Variants in TBC1D14 observed in about 807,000 individuals in gnomAD.
The protein encoded by TBC1D14 is TBC1 domain family member 14, also known as TBC1 domain family, member 14.
In TBC1D14, 26 loss-of-function variants were observed where a neutral mutation model predicts 79.0. The observed-to-expected ratio is 0.33, with a 90% CI of 0.24 to 0.46. The LOEUF (loss-of-function observed/expected upper bound fraction) is 0.46, where lower values mean the gene tolerates loss of function less well. Among genes scored for constraint, TBC1D14 ranks in the 20% least tolerant of loss-of-function variants. The pLI is 1.00. For synonymous variants in TBC1D14, 394 were observed against 349.9 expected (o/e 1.13, Z -1.40); for missense variants, 769 against 887.6 (o/e 0.87, Z 1.70).
chr4:6,985,158 C>A (rs1298945639), intron 3 of TBC1D14, among the ~76,000 whole-genome samples: 2 of 152,208 alleles, frequency 1.3e-5, no homozygotes, highest in African/African-American at 4.8e-5. Context: ...CTAAATACTT[C>A]AGCACACAGC....
In TBC1D14 at chr4:7,030,412, A is replaced by G. The variant is rs1156310554; in HGVS notation, c.*20A>G. ...CACTGAGGCTGCAGCGGGAATTCGC[A>G]CTCGGCACCAATCAGAGCCCCATGC... is the stretch of plus-strand genomic sequence containing the variant. On this transcript the variant is annotated 3_prime_UTR_variant, in exon 14 of 14. Transcript: ENST00000409757. 1 of 1,613,538 alleles carries G rather than the reference A, an allele frequency of 6.2e-7. No homozygotes were observed. Among genetic ancestry groups the G allele is most frequent in the Non-Finnish European group, 8.5e-7 (1 of 1,179,596 alleles).
At chr4:7,019,703 T>C (rs1721621307) in intron 12 of TBC1D14, among the ~76,000 whole-genome samples, 1 of 151,896 alleles carries the variant, frequency 6.6e-6, no homozygotes, top group Non-Finnish European at 1.5e-5. Flanking sequence ...CCTGCTGGGC[T>C]CAGGTTAGGG....
intron 3 of TBC1D14, among the ~76,000 whole-genome samples, chr4:6,987,827 G>C (rs1718034733): frequency 6.6e-6 from 1 of 152,218 alleles, no homozygotes; most frequent in Admixed American, 6.5e-5. Context: ...TTAAAACCTA[G>C]TTCCTTTGAA....
chr4:6,991,781 G>A (rs916270897), intron 3 of TBC1D14, among the ~76,000 whole-genome samples: 1 of 152,226 alleles, frequency 6.6e-6, no homozygotes, highest in South Asian at 2.1e-4. Context: ...AGTTAACCCA[G>A]TGTGCACGCG....
At chr4:6,916,826 G>T (rs1723437853) in intron 1 of TBC1D14, among the ~76,000 whole-genome samples, 1 of 152,226 alleles carries the variant, frequency 6.6e-6, no homozygotes, top group Non-Finnish European at 1.5e-5. Context: ...TGTGTTCAGT[G>T]CCTCCCGTGG....
chr4:6,919,899 G>A lies in TBC1D14; in HGVS notation c.-17-3474G>A, dbSNP rs564540428. ...CTCCCAAAGTACTGGGATTACAGGC[G>A]TGAGCCACCGTGCCCGGCCTATTTA... On this transcript the variant is annotated intron_variant, in intron 1 of 13. Coordinates refer to ENST00000409757, the MANE Select transcript of TBC1D14 (RefSeq NM_020773.3). 2.3e-3 allele frequency among the ~76,000 whole-genome samples: 344 copies of A among 152,160 alleles called. 1 individual carries two copies. Among genetic ancestry groups the A allele is most frequent in the African/African-American group, 7.9e-3 (328 of 41,414 alleles).
intron 13 of TBC1D14, among the ~76,000 whole-genome samples, chr4:7,026,908 C>A (rs1722431370): frequency 6.6e-6 from 1 of 151,542 alleles, no homozygotes; most frequent in African/African-American, 2.4e-5. Context: ...AAAAAACAAA[C>A]AAACAAACAA....
intron 2 of TBC1D14, among the ~76,000 whole-genome samples, chr4:6,949,637 C>T (rs1261312093): frequency 3.4e-5 from 5 of 148,028 alleles, no homozygotes; most frequent in South Asian, 2.1e-4. Flanking sequence ...GAGCTGAGAT[C>T]GTGCCACTGC....
At chr4:7,000,627 T>C (rs574809133) in intron 6 of TBC1D14, among the ~76,000 whole-genome samples, 1 of 152,294 alleles carries the variant, frequency 6.6e-6, no homozygotes, top group African/African-American at 2.4e-5. Flanking sequence ...ATGTTCTGAG[T>C]CAGCAGTTCT....
At chr4:7,021,943 G>C (rs560940314) in intron 12 of TBC1D14, among the ~76,000 whole-genome samples, 1 of 152,182 alleles carries the variant, frequency 6.6e-6, no homozygotes, top group East Asian at 1.9e-4. Context: ...CCCTTGTTCC[G>C]ACCGGTTCTG....
At chr4:6,918,125 A>G (rs1213374265) in intron 1 of TBC1D14, among the ~76,000 whole-genome samples, 1 of 152,156 alleles carries the variant, frequency 6.6e-6, no homozygotes, top group Non-Finnish European at 1.5e-5. Flanking sequence ...AGGAGTAGAA[A>G]AAGGTTTTCT....
At chr4:7,021,698 TTAC>T (rs1457200210) in intron 12 of TBC1D14, among the ~76,000 whole-genome samples, 32 of 152,236 alleles carry the variant, frequency 2.1e-4, no homozygotes, top group African/African-American at 7.7e-4. Context: ...CTTTTATTTA[TTAC>T]TTTTAAAAAA....
chr4:7,000,176 C>A (rs1719516040), intron 6 of TBC1D14, among the ~76,000 whole-genome samples: 1 of 152,100 alleles, frequency 6.6e-6, no homozygotes, highest in Non-Finnish European at 1.5e-5. Context: ...GATCTAGTAA[C>A]AAGGACAGAG....
At chr4:6,978,271 T>C (rs1157060582) in intron 3 of TBC1D14, among the ~76,000 whole-genome samples, 1 of 151,086 alleles carries the variant, frequency 6.6e-6, no homozygotes, top group Non-Finnish European at 1.5e-5. Context: ...CGGGCCATGA[T>C]GACAATGGCG....
At chr4:6,941,129 A>G (rs1479068296) in intron 2 of TBC1D14, among the ~76,000 whole-genome samples, 1 of 147,590 alleles carries the variant, frequency 6.8e-6, no homozygotes, top group East Asian at 2.0e-4. Flanking sequence ...TTGATGGTCC[A>G]TTTCCTTCTG....
chr4:7,006,275 A>ATGTGTGTG (rs558201839), intron 8 of TBC1D14, among the ~76,000 whole-genome samples: 203 of 151,236 alleles, frequency 1.3e-3, no homozygotes, highest in African/African-American at 4.8e-3. Flanking sequence ...GCAGTGATAT[A>ATGTGTGTG]TGTGTGTGTG....
chr4:7,029,357 T>A (rs893822837), intron 13 of TBC1D14, among the ~76,000 whole-genome samples: 1 of 152,254 alleles, frequency 6.6e-6, no homozygotes, highest in Non-Finnish European at 1.5e-5. Flanking sequence ...CCTTGGACTT[T>A]GAGCACGTCA....
chr4:6,941,090 G>A (rs932895879), intron 2 of TBC1D14, among the ~76,000 whole-genome samples: 3 of 151,918 alleles, frequency 2.0e-5, no homozygotes, highest in African/African-American at 7.3e-5. Flanking sequence ...ACCAGTGCTC[G>A]AGATGTTTGT....
Position 7,030,429 on chromosome 4 carries a change from G to A in TBC1D14, c.*37G>A. On this transcript the variant is annotated 3_prime_UTR_variant, in exon 14 of 14. Coordinates refer to ENST00000409757, the MANE Select transcript of TBC1D14 (RefSeq NM_020773.3). ...GAATTCGCACTCGGCACCAATCAGA[G>A]CCCCATGCCGCGGCCCCTCTGTTGT... The A allele has an allele frequency of 6.2e-7, 1 of 1,607,322 alleles. No individual in the cohort carries two copies. Among genetic ancestry groups the A allele is most frequent in the Non-Finnish European group, 8.5e-7 (1 of 1,174,288 alleles).
Sources: allele counts gnomAD v4.1 joint callset (sites outside exome capture counted in the v4.1 genomes callset), GRCh38; gene constraint gnomAD v4.1.1; transcripts MANE v1.5; gene names NCBI Gene and HGNC (gene_info 2026-07-23, HGNC 2026-07-21).